Variants in ASIC2 observed in about 807,000 individuals in gnomAD.
The protein encoded by ASIC2 is acid sensing ion channel subunit 2.
ASIC2 carries 25 observed loss-of-function variants against 57.3 expected under a neutral mutation model. The observed-to-expected ratio is 0.44, with a 90% confidence interval of 0.32 to 0.61. ASIC2 has a LOEUF of 0.61. Ranked by LOEUF, ASIC2 falls within the 20% of genes least tolerant of loss-of-function variation. ASIC2 has a pLI of 0.06. For missense variants in ASIC2, 641 were observed against 738.1 expected (o/e 0.87, Z 1.52); for synonymous variants, 319 against 307.5 (o/e 1.04, Z -0.39).
At chr17:33,700,340 T>A (rs1908658342) in intron 1 of ASIC2, among the ~76,000 whole-genome samples, 1 of 152,218 alleles carries the variant, frequency 6.6e-6, no homozygotes, top group South Asian at 2.1e-4. Context: ...GATTTGGTAT[T>A]TACCTTTATT....
chr17:34,099,278 G>GA (rs981536553), intron 1 of ASIC2, among the ~76,000 whole-genome samples: 1 of 121,720 alleles, frequency 8.2e-6, no homozygotes, highest in African/African-American at 3.8e-5. Context: ...AAAGAGGAAA[G>GA]AAAAGAAAGG....
At chr17:34,006,665 A>G (rs1906536394) in intron 1 of ASIC2, 1 of 152,148 alleles carries the variant, frequency 6.6e-6, no homozygotes, top group Admixed American at 6.5e-5. Context: ...TTCATGGGGA[A>G]CAATGTGATG....
intron 1 of ASIC2, among the ~76,000 whole-genome samples, chr17:33,178,652 C>G (rs1410049774): frequency 6.6e-6 from 1 of 152,184 alleles, no homozygotes; most frequent in East Asian, 1.9e-4. Context: ...GGCGTGCTAT[C>G]TGAGTTCTAG....
intron 1 of ASIC2, among the ~76,000 whole-genome samples, chr17:33,159,397 T>C (rs1358482176): frequency 6.6e-6 from 1 of 152,100 alleles, no homozygotes; most frequent in Non-Finnish European, 1.5e-5. Context: ...AGGCTGTGAG[T>C]GATTTTACTC....
chr17:33,516,068 G>A (rs147092519), intron 1 of ASIC2, among the ~76,000 whole-genome samples: 2 of 152,116 alleles, frequency 1.3e-5, no homozygotes, highest in Non-Finnish European at 2.9e-5. Context: ...TCCTGACACT[G>A]CACTCCAGCC....
At chr17:33,799,487 T>TTTCTTTCTTACTTTCTTTCTTTCTTTCC in intron 1 of ASIC2, among the ~76,000 whole-genome samples, 1 of 142,582 alleles carries the variant, frequency 7.0e-6, no homozygotes, top group African/African-American at 2.6e-5. Context: ...TCCTTCTTTC[T>TTTCTTTCTTACTTTCTTTCTTTCTTTCC]TTCTTTCTTA....
intron 1 of ASIC2, among the ~76,000 whole-genome samples, chr17:33,896,444 T>G (rs1915099158): frequency 6.6e-6 from 1 of 152,140 alleles, no homozygotes; most frequent in South Asian, 2.1e-4. Context: ...ATGCAGAGAG[T>G]CTAGCGACTC....
chr17:33,579,766 A>G (rs12936007), intron 1 of ASIC2, among the ~76,000 whole-genome samples: 79,660 of 151,958 alleles, frequency 0.52, 21,968 homozygotes, highest in African/African-American at 0.71. Flanking sequence ...AAACTCATTC[A>G]GAAGAGCAAA....
intron 2 of ASIC2, among the ~76,000 whole-genome samples, chr17:33,095,148 A>G (rs935638257): frequency 3.9e-5 from 6 of 152,160 alleles, no homozygotes; most frequent in Non-Finnish European, 7.3e-5. Flanking sequence ...TGTCATCATC[A>G]CCATCATCAC....
intron 1 of ASIC2, among the ~76,000 whole-genome samples, chr17:33,579,555 G>C (rs531333572): frequency 2.6e-5 from 4 of 152,146 alleles, no homozygotes; most frequent in Non-Finnish European, 5.9e-5. Context: ...AAGAATGAAA[G>C]GGCAGACCCT....
chr17:33,159,232 A>G lies in ASIC2; in HGVS notation c.709-47165T>C, dbSNP rs371051539. Among the ~76,000 whole-genome samples the G allele has an allele frequency of 2.0e-5, 3 of 152,226 alleles. No individual in the cohort carries two copies. In the South Asian group the frequency reaches 6.2e-4, roughly 31 times the overall value. ...TATGATTTTTCAATGGCTGGGTTTT[A>G]AGGCATGTATGCATTGCACTTCAAC... On this transcript the variant is annotated intron_variant, in intron 1 of 9. Coordinates refer to ENST00000225823, the MANE Select transcript of ASIC2 (RefSeq NM_183377.2).
chr17:34,085,911 T>C (rs1567815233), intron 1 of ASIC2, among the ~76,000 whole-genome samples: 1 of 151,954 alleles, frequency 6.6e-6, no homozygotes, highest in Non-Finnish European at 1.5e-5. Context: ...TTATTGTGTC[T>C]ATTTGATTCT....
chr17:33,315,800 C>T (rs1415135843), intron 1 of ASIC2, among the ~76,000 whole-genome samples: 1 of 152,238 alleles, frequency 6.6e-6, no homozygotes, highest in East Asian at 1.9e-4. Context: ...CTTTGCCATA[C>T]TGACCCTTGA....
intron 1 of ASIC2, among the ~76,000 whole-genome samples, chr17:33,910,150 C>CT (rs1915430530): frequency 6.6e-6 from 1 of 152,138 alleles, no homozygotes; most frequent in South Asian, 2.1e-4. Context: ...GGGGATATCG[C>CT]TACATATTCT....
chr17:33,607,475 C>T (rs1357473926), intron 1 of ASIC2, among the ~76,000 whole-genome samples: 1 of 152,176 alleles, frequency 6.6e-6, no homozygotes, highest in Non-Finnish European at 1.5e-5. Flanking sequence ...CCCACTGCAG[C>T]AGAATCCGGC....
At chr17:33,660,453 T>C (rs1211581512) in intron 1 of ASIC2, among the ~76,000 whole-genome samples, 2 of 152,146 alleles carry the variant, frequency 1.3e-5, no homozygotes, top group Non-Finnish European at 2.9e-5. Flanking sequence ...CTTTTTTCTG[T>C]TTTTAAAATT....
chr17:33,499,182 C>T (rs1298533436), intron 1 of ASIC2, among the ~76,000 whole-genome samples: 1 of 152,222 alleles, frequency 6.6e-6, no homozygotes, highest in African/African-American at 2.4e-5. Flanking sequence ...TACCCTCAGT[C>T]CCTCTGGTCC....
intron 1 of ASIC2, chr17:34,037,584 T>C (rs1293509466): frequency 1.8e-5 from 27 of 1,495,596 alleles, no homozygotes; most frequent in African/African-American, 2.9e-5. Context: ...TTGTCCACTT[T>C]GTGTGTGTTG....
chr17:34,016,730 C>G (rs543160825), intron 1 of ASIC2, among the ~76,000 whole-genome samples: 3 of 152,238 alleles, frequency 2.0e-5, no homozygotes, highest in South Asian at 4.1e-4. Flanking sequence ...GATTGGGGAT[C>G]TAGGTGTGGA....
Sources: gnomAD v4.1 joint callset for allele counts (sites outside exome capture counted in the v4.1 genomes callset) on GRCh38, gnomAD v4.1.1 for gene constraint, MANE v1.5 for transcripts, NCBI Gene and HGNC (gene_info 2026-07-23, HGNC 2026-07-21) for gene names.